PLEKHA7: variants seen among roughly 807,000 people sequenced by gnomAD.
The protein encoded by PLEKHA7 is pleckstrin homology domain containing A7.
PLEKHA7 carries 104 observed loss-of-function variants against 170.0 expected under a neutral mutation model. That is an observed-to-expected ratio of 0.61 (90% confidence interval 0.52 to 0.72). The LOEUF (loss-of-function observed/expected upper bound fraction) is 0.72, where lower values mean the gene tolerates loss of function less well. PLEKHA7 is among the 30% of genes least tolerant of loss of function. The probability of loss-of-function intolerance (pLI) is 0.00; values close to 1 mark genes in which losing one functional copy is unlikely to be tolerated. For synonymous variants in PLEKHA7, 648 were observed against 660.8 expected, an observed-to-expected ratio of 0.98 and a Z score of 0.30; for missense variants, 1,615 against 1,671.7, an observed-to-expected ratio of 0.97 and a Z score of 0.59.
In PLEKHA7 at chr11:16,826,509, G is replaced by A. The variant is rs924293223; in HGVS notation, c.954C>T (p.Pro318=). The change falls in exon 10 of 27, where the codon CCC becomes CCT. Residue 318 remains proline, a synonymous_variant. Transcript: ENST00000531066. ...GATGAGGACAATCTCTCGTATGTCC[G>A]GGTCCCACCCGGCCACATTCGTGAC... ...ESCHECGRVG[P]GHTRDCPHRG... The A allele has an allele frequency of 3.7e-5, 59 of 1,614,032 alleles. No individual in the cohort carries two copies. The highest frequency in any genetic ancestry group is 2.2e-4 in the East Asian group (10 of 44,894).
intron 10 of PLEKHA7, among the ~76,000 whole-genome samples, chr11:16,824,859 G>A (rs990013868): frequency 3.9e-5 from 6 of 152,160 alleles, no homozygotes; most frequent in African/African-American, 9.7e-5. Context: ...CAGCAGTAAC[G>A]TCATCTTACA....
intron 9 of PLEKHA7, among the ~76,000 whole-genome samples, chr11:16,838,659 A>C (rs1851707546): frequency 1.3e-5 from 2 of 151,864 alleles, no homozygotes; most frequent in South Asian, 4.2e-4. Context: ...AGATATGGGG[A>C]AATGACACAC....
In PLEKHA7 at chr11:16,794,995, A is replaced by G; in HGVS notation, c.2433T>C (p.Asp811=). 6.2e-7 allele frequency: 1 copy of G among 1,613,538 alleles called. No homozygotes were observed. Among genetic ancestry groups the G allele is most frequent in the East Asian group, 2.2e-5 (1 of 44,862 alleles). Residue 811 remains aspartate (D), a synonymous_variant, in exon 18 of 27, where the codon GAT becomes GAC. Transcript: ENST00000531066. ...CAGTGACATCTTCAATTCTCCATAGATCTTTCTGTATCTGCGATTTCTCCT... is the reference window on the plus strand; with the variant it reads ...CAGTGACATCTTCAATTCTCCATAGGTCTTTCTGTATCTGCGATTTCTCCT... ...FFQEKSQIQK[D]LWRIEDVTAG...
chr11:16,913,674 A>T (rs768352809), intron 3 of PLEKHA7, among the ~76,000 whole-genome samples: 12 of 152,242 alleles, frequency 7.9e-5, no homozygotes, highest in Non-Finnish European at 1.3e-4. Context: ...AGCACTGGAA[A>T]GGCTGACCCA....
rs758658722 is a variant in PLEKHA7 at position 16,789,195 on chromosome 11, G to A, written c.3258C>T (p.Ala1086=). 14 of 1,613,276 alleles carry A rather than the reference G, an allele frequency of 8.7e-6. No homozygotes were observed. The Middle Eastern group carries it at 8.3e-4, about 95-fold the overall frequency. ...QLERMKRHQK[A]LVRERKRTLG... is the part of the protein sequence containing the mutation. The stretch of plus-strand genomic sequence containing the variant: ...GTGTCCTCTTGCGCTCTCGGACCAG[G>A]GCCTTCTGGTGTCGCTTCATGCGCT... The change falls in exon 23 of 27, where the codon GCC becomes GCT. Residue 1086 remains alanine, a synonymous_variant. Transcript: ENST00000531066. This position sits in a 1 kb window ranked among gnomAD's most constrained non-coding sequence, Gnocchi z 4.6.
intron 3 of PLEKHA7, among the ~76,000 whole-genome samples, chr11:16,888,477 A>T (rs1381112747): frequency 6.6e-6 from 1 of 152,396 alleles, no homozygotes; most frequent in African/African-American, 2.4e-5. Context: ...GACATAGGAG[A>T]CTCCATTTTG....
intron 3 of PLEKHA7, among the ~76,000 whole-genome samples, chr11:16,964,652 G>A (rs963607895): frequency 6.6e-6 from 1 of 152,226 alleles, no homozygotes; most frequent in Non-Finnish European, 1.5e-5. Context: ...CAAAAAGCAT[G>A]AGGGCTGGCT....
intron 8 of PLEKHA7, chr11:16,842,698 G>T (rs1327648981): frequency 6.6e-6 from 1 of 150,592 alleles, no homozygotes; most frequent in Non-Finnish European, 1.5e-5. Context: ...TTTTCCCCTT[G>T]TGCTCTGATA....
chr11:16,920,017 G>A (rs1313743644), intron 3 of PLEKHA7, among the ~76,000 whole-genome samples: 1 of 152,202 alleles, frequency 6.6e-6, no homozygotes, highest in African/African-American at 2.4e-5. Context: ...TTGGGTGGCT[G>A]CTAGTTTTAT....
intron 4 of PLEKHA7, among the ~76,000 whole-genome samples, chr11:16,870,410 C>G (rs1177313381): frequency 2.0e-5 from 3 of 152,038 alleles, no homozygotes; most frequent in Non-Finnish European, 2.9e-5. Flanking sequence ...AGGAGGATTG[C>G]TTCAGCTCAG....
At chr11:16,902,208 A>G (rs1374725143) in intron 3 of PLEKHA7, among the ~76,000 whole-genome samples, 1 of 152,196 alleles carries the variant, frequency 6.6e-6, no homozygotes, top group Non-Finnish European at 1.5e-5. Context: ...ATAATATTCC[A>G]TTATATAGAC....
intron 8 of PLEKHA7, among the ~76,000 whole-genome samples, chr11:16,846,495 T>C (rs891562812): frequency 6.6e-6 from 1 of 152,176 alleles, no homozygotes; most frequent in Non-Finnish European, 1.5e-5. Flanking sequence ...AACCTCCTCA[T>C]GCTTGTTTCC....
intron 3 of PLEKHA7, among the ~76,000 whole-genome samples, chr11:16,939,486 A>C (rs1860533111): frequency 1.3e-5 from 2 of 152,226 alleles, no homozygotes; most frequent in Admixed American, 6.5e-5. Context: ...AGCTATGAAG[A>C]TTAATTAAAA....
At chr11:16,984,073 G>C (rs536314788) in intron 3 of PLEKHA7, among the ~76,000 whole-genome samples, 2 of 151,804 alleles carry the variant, frequency 1.3e-5, no homozygotes, top group Admixed American at 6.6e-5. Context: ...AAAATAAAAA[G>C]AATTTTAAAA....
chr11:16,995,030 A>G (rs4757476), intron 3 of PLEKHA7, among the ~76,000 whole-genome samples: 47,401 of 152,038 alleles, frequency 0.31, 7,562 homozygotes, highest in East Asian at 0.43. Context: ...TATTCCAGTG[A>G]CAATAAATAT....
At chr11:16,783,078 G>T (rs560493756) in intron 25 of PLEKHA7, among the ~76,000 whole-genome samples, 182 bp from the exon 26 acceptor site, 9 of 152,336 alleles carry the variant, frequency 5.9e-5, no homozygotes, top group African/African-American at 2.2e-4. Flanking sequence ...TCCCAGCTTT[G>T]TTCCTCCTTT....
intron 9 of PLEKHA7, among the ~76,000 whole-genome samples, chr11:16,830,456 G>A (rs1464566069): frequency 6.6e-6 from 1 of 152,144 alleles, no homozygotes; most frequent in East Asian, 1.9e-4. Flanking sequence ...ATTTCTAAGT[G>A]GTTACTCCAA....
chr11:16,832,167 C>T (rs407932), intron 9 of PLEKHA7, among the ~76,000 whole-genome samples: 15,868 of 152,220 alleles, frequency 0.1, 904 homozygotes, highest in East Asian at 0.16. Flanking sequence ...AAAAAGCCCA[C>T]GTCCCTGATT....
intron 5 of PLEKHA7, chr11:16,855,602 G>C: frequency 1.7e-6 from 1 of 584,118 alleles, no homozygotes; most frequent in South Asian, 2.1e-5. Context: ...ACCAGTGCTG[G>C]GTCTGTCAGC....
Sources: allele counts gnomAD v4.1 joint callset (sites outside exome capture counted in the v4.1 genomes callset), GRCh38; gene constraint gnomAD v4.1.1; non-coding constraint Gnocchi (gnomAD v3.1); transcripts MANE v1.5; gene names NCBI Gene and HGNC (gene_info 2026-07-23, HGNC 2026-07-21).